Variants in ELAVL2 observed in about 807,000 individuals in gnomAD.
The protein encoded by ELAVL2 is ELAV-like protein 2.
ELAVL2 carries 4 observed loss-of-function variants against 34.6 expected under a neutral mutation model. That is an observed-to-expected ratio of 0.12 (90% confidence interval 0.06 to 0.26). The LOEUF (loss-of-function observed/expected upper bound fraction) is 0.26. Ranked by LOEUF, ELAVL2 falls within the 10% of genes least tolerant of loss-of-function variation. The pLI, the probability that ELAVL2 is intolerant of heterozygous loss-of-function variation, is 1.00. For synonymous variants in ELAVL2, 193 were observed against 154.8 expected (o/e 1.25, Z -1.83); for missense variants, 432 against 442.8 (o/e 0.98, Z 0.22).
chr9:23,792,251 G>C (rs1432342662), intron 1 of ELAVL2, among the ~76,000 whole-genome samples: 3 of 152,154 alleles, frequency 2.0e-5, no homozygotes, highest in Non-Finnish European at 4.4e-5. Flanking sequence ...TGTTAAGCAG[G>C]TTAAGTATGT....
chr9:23,731,650 A>C (rs1218084647), intron 2 of ELAVL2, among the ~76,000 whole-genome samples: 12 of 152,170 alleles, frequency 7.9e-5, no homozygotes, highest in Non-Finnish European at 1.5e-4. Context: ...GTATACATGT[A>C]AGTTTATTTT....
intron 2 of ELAVL2, among the ~76,000 whole-genome samples, chr9:23,731,447 C>A (rs1027863759): frequency 2.6e-5 from 4 of 152,118 alleles, no homozygotes; most frequent in Non-Finnish European, 5.9e-5. Context: ...GGGGATAAAT[C>A]TCTGTGCTAT....
chr9:23,747,911 A>G (rs1224861949), intron 2 of ELAVL2, among the ~76,000 whole-genome samples: 2 of 152,064 alleles, frequency 1.3e-5, no homozygotes, highest in East Asian at 3.9e-4. Context: ...TATAAGACCT[A>G]AATTTTTTTT....
intron 1 of ELAVL2, among the ~76,000 whole-genome samples, chr9:23,777,325 T>G (rs2058367848): frequency 6.6e-6 from 1 of 152,164 alleles, no homozygotes; most frequent in South Asian, 2.1e-4. Context: ...TTTCAATTCT[T>G]CTGTGAAGAG....
chr9:23,845,051 G>A, the ELAVL2 span, among the ~76,000 whole-genome samples: 1 of 151,772 alleles, frequency 6.6e-6, no homozygotes, highest in Non-Finnish European at 1.5e-5. Flanking sequence ...CAATAATGGA[G>A]AGGTAAAAGA....
At chr9:23,818,862 T>C (rs2064112629) in intron 1 of ELAVL2, among the ~76,000 whole-genome samples, 1 of 152,198 alleles carries the variant, frequency 6.6e-6, no homozygotes, top group Non-Finnish European at 1.5e-5. Context: ...TATCTAGTCC[T>C]TTGGGGAAAA....
At chr9:23,812,733 A>G (rs190810424) in intron 1 of ELAVL2, among the ~76,000 whole-genome samples, 30 of 150,904 alleles carry the variant, frequency 2.0e-4, no homozygotes, top group African/African-American at 6.8e-4. Context: ...ATACACTTAT[A>G]CTAACACTCC....
At chr9:23,698,549 A>G (rs1406375634) in intron 5 of ELAVL2, among the ~76,000 whole-genome samples, 5 of 152,202 alleles carry the variant, frequency 3.3e-5, no homozygotes, top group African/African-American at 1.2e-4. Context: ...CCAAGGTACT[A>G]TGAGAACATA....
the ELAVL2 span, among the ~76,000 whole-genome samples, chr9:23,834,564 G>T: frequency 1.4e-4 from 21 of 152,048 alleles, no homozygotes; most frequent in East Asian, 3.7e-3. Context: ...GTCAATAGAT[G>T]GTAACTACAA....
chr9:23,739,618 T>C (rs776602861), intron 2 of ELAVL2, among the ~76,000 whole-genome samples: 1 of 149,366 alleles, frequency 6.7e-6, no homozygotes, highest in Non-Finnish European at 1.5e-5. Context: ...GACAATGGAG[T>C]TGTTCAAGTA....
the ELAVL2 span, among the ~76,000 whole-genome samples, chr9:23,847,667 T>A: frequency 6.6e-6 from 1 of 152,102 alleles, no homozygotes; most frequent in African/African-American, 2.4e-5. Flanking sequence ...TAGAAAAAAA[T>A]TGGTAAGTGT....
chr9:23,794,392 T>TTA (rs1358345246), intron 1 of ELAVL2, among the ~76,000 whole-genome samples: 1 of 152,160 alleles, frequency 6.6e-6, no homozygotes, highest in Non-Finnish European at 1.5e-5. Flanking sequence ...AGATTGACTG[T>TTA]TAAACACACG....
At chr9:23,843,881 G>A in the ELAVL2 span, among the ~76,000 whole-genome samples, 3 of 151,804 alleles carry the variant, frequency 2.0e-5, no homozygotes, top group Admixed American at 1.3e-4. Flanking sequence ...AGGCTTTCCC[G>A]GCTGTGCACA....
intron 2 of ELAVL2, among the ~76,000 whole-genome samples, chr9:23,743,095 G>C (rs1376643456): frequency 6.6e-6 from 1 of 152,160 alleles, no homozygotes; most frequent in Non-Finnish European, 1.5e-5. Flanking sequence ...GCTGTACATG[G>C]TTAAAGTTGT....
In ELAVL2 at chr9:23,697,491, CTTTT is replaced by C. The variant is rs375479184; in HGVS notation, c.713+3884_713+3887del. 1.4e-4 allele frequency among the ~76,000 whole-genome samples: 21 copies of C among 152,146 alleles called. No homozygotes were observed. The East Asian group carries it at 3.5e-3, about 25-fold the overall frequency. On this transcript the variant is annotated intron_variant, in intron 5 of 6. Coordinates refer to ENST00000397312, the MANE Select transcript of ELAVL2 (RefSeq NM_004432.5). Reference sequence around the variant, plus strand: ...TAATACAGATTGTCTCATCTTTATCCTTTTTTATGTTTGATTAGAGTTTATAATT... The same window carrying C: ...TAATACAGATTGTCTCATCTTTATCCTTATGTTTGATTAGAGTTTATAATT...
intron 3 of ELAVL2, among the ~76,000 whole-genome samples, chr9:23,707,820 A>T (rs572432929): frequency 2.1e-3 from 320 of 152,358 alleles, no homozygotes; most frequent in Non-Finnish European, 3.2e-3. Context: ...CTCTACATGC[A>T]TCTGAAAATT....
intron 5 of ELAVL2, among the ~76,000 whole-genome samples, chr9:23,693,934 T>A (rs776372919): frequency 6.6e-6 from 1 of 152,216 alleles, no homozygotes; most frequent in Admixed American, 6.5e-5. Context: ...AATTATGGCA[T>A]TGATACTCAA....
intron 2 of ELAVL2, among the ~76,000 whole-genome samples, chr9:23,733,937 G>C (rs1390800067): frequency 6.6e-6 from 1 of 152,058 alleles, no homozygotes; most frequent in African/African-American, 2.4e-5. Flanking sequence ...TCTAGTATCT[G>C]TTAAGTTGTT....
At chr9:23,838,189 G>T in the ELAVL2 span, among the ~76,000 whole-genome samples, 7 of 152,154 alleles carry the variant, frequency 4.6e-5, no homozygotes, top group East Asian at 1.9e-4. Flanking sequence ...GGTAATGGGA[G>T]TTGGATTTAT....
Sources: allele counts gnomAD v4.1 joint callset (sites outside exome capture counted in the v4.1 genomes callset), GRCh38; gene constraint gnomAD v4.1.1; transcripts MANE v1.5; gene names NCBI Gene and HGNC (gene_info 2026-07-23, HGNC 2026-07-21).